Variants in KCTD16 observed in about 807,000 individuals in gnomAD.
The protein encoded by KCTD16 is BTB/POZ domain-containing protein KCTD16.
A neutral mutation model predicts 33.2 loss-of-function variants in KCTD16; 13 were observed. The observed-to-expected ratio is 0.39, with a 90% confidence interval of 0.25 to 0.62. The LOEUF (loss-of-function observed/expected upper bound fraction) is 0.62, where lower values mean the gene tolerates loss of function less well. KCTD16 is among the 20% of genes least tolerant of loss of function. KCTD16 has a pLI of 0.50. For missense variants in KCTD16, 441 were observed against 525.1 expected (o/e 0.84, Z 1.57); for synonymous variants, 197 against 195.3 (o/e 1.01, Z -0.07).
At chr5:144,262,621 A>C (rs4912967) in intron 3 of KCTD16, among the ~76,000 whole-genome samples, 32,680 of 152,134 alleles carry the variant, frequency 0.21, 3,965 homozygotes, top group Non-Finnish European at 0.28. Context: ...AATCCTTTCC[A>C]CACCAGTTCT....
Position 144,473,956 on chromosome 5 carries a change from A to C in KCTD16, c.1129A>C (p.Asn377His), listed in dbSNP as rs1422411702. ...RTLTSGSRESNMSSKKKAVKE... is the reference protein window; with the variant it reads ...RTLTSGSRESHMSSKKKAVKE... ...TCTGACTTCAGGCTCCAGGGAATCG[A>C]ACATGAGCAGCAAAAAAAAAGCTGT... is the stretch of plus-strand genomic sequence containing the variant. Residue 377 changes from asparagine to histidine, a missense_variant, in exon 4 of 4, where the codon AAC (asparagine) becomes CAC (histidine). Physicochemically the swap from Asn to His is moderately conservative, Grantham distance 68. Coordinates refer to ENST00000512467, the MANE Select transcript of KCTD16 (RefSeq NM_020768.4). 2 of 1,613,974 alleles carry C rather than the reference A, an allele frequency of 1.2e-6. No individual in the cohort carries two copies. Among genetic ancestry groups the C allele is most frequent in the African/African-American group, 2.7e-5 (2 of 74,908 alleles).
intron 3 of KCTD16, among the ~76,000 whole-genome samples, chr5:144,472,488 G>A (rs1275441267): frequency 2.0e-5 from 3 of 152,180 alleles, no homozygotes; most frequent in African/African-American, 7.2e-5. Flanking sequence ...AGAGGAAAGG[G>A]AGAAGAGGAA....
chr5:144,345,570 T>C (rs1752774831), intron 3 of KCTD16, among the ~76,000 whole-genome samples: 1 of 152,158 alleles, frequency 6.6e-6, no homozygotes, highest in East Asian at 1.9e-4. Context: ...ACTCAGAAGA[T>C]ATTTACCGAG....
chr5:144,434,575 C>T (rs1753535103), intron 3 of KCTD16, among the ~76,000 whole-genome samples: 1 of 152,034 alleles, frequency 6.6e-6, no homozygotes, highest in South Asian at 2.1e-4. Flanking sequence ...CATCAGTTTT[C>T]AGGTAATGTT....
At chr5:144,310,908 GCGGGAAAATA>G (rs1751747186) in intron 3 of KCTD16, among the ~76,000 whole-genome samples, 1 of 152,168 alleles carries the variant, frequency 6.6e-6, no homozygotes, top group Non-Finnish European at 1.5e-5. Context: ...GCTCTGAGGA[GCGGGAAAATA>G]CATTATCCGC....
intron 3 of KCTD16, among the ~76,000 whole-genome samples, chr5:144,215,030 A>T (rs1355033689): frequency 6.6e-6 from 1 of 152,204 alleles, no homozygotes; most frequent in African/African-American, 2.4e-5. Context: ...TTGTCTCTTA[A>T]TAGAAGAACT....
chr5:144,291,327 A>G (rs527643535), intron 3 of KCTD16, among the ~76,000 whole-genome samples: 62 of 152,138 alleles, frequency 4.1e-4, no homozygotes, highest in Non-Finnish European at 7.4e-4. Context: ...ACTGGTATAC[A>G]CTTTGACTTT....
intron 3 of KCTD16, among the ~76,000 whole-genome samples, chr5:144,363,502 C>A (rs973775147): frequency 6.6e-6 from 1 of 152,026 alleles, no homozygotes; most frequent in Non-Finnish European, 1.5e-5. Context: ...AGCTCTCTAA[C>A]CAGGCATAGA....
At chr5:144,468,201 C>T (rs1329811842) in intron 3 of KCTD16, among the ~76,000 whole-genome samples, 1 of 152,208 alleles carries the variant, frequency 6.6e-6, no homozygotes, top group Non-Finnish European at 1.5e-5. Flanking sequence ...GTTCTAATAA[C>T]TGCATTTTCT....
intron 3 of KCTD16, among the ~76,000 whole-genome samples, chr5:144,400,954 T>C (rs1055808389): frequency 1.3e-5 from 2 of 152,080 alleles, no homozygotes; most frequent in African/African-American, 4.8e-5. Context: ...AAGCTTTACA[T>C]ATTGGGGAAT....
intron 3 of KCTD16, among the ~76,000 whole-genome samples, chr5:144,282,821 A>G (rs929842079): frequency 2.6e-5 from 4 of 152,176 alleles, no homozygotes; most frequent in African/African-American, 9.7e-5. Context: ...TTCAAATCAC[A>G]GGGGCTCCTT....
chr5:144,475,522 C>G lies in KCTD16; in HGVS notation c.*1408C>G, dbSNP rs1438515604. On this transcript the variant is annotated 3_prime_UTR_variant, in exon 4 of 4. Transcript: ENST00000512467. ...TGTAACTCTGTATTTTACTAAGGTACCAATAGCTCTTTCATAGACTTGTGC... is the reference window on the plus strand; with the variant it reads ...TGTAACTCTGTATTTTACTAAGGTAGCAATAGCTCTTTCATAGACTTGTGC... The G allele has an allele frequency of 6.6e-6, 1 of 152,626 alleles. No homozygotes were observed. Among genetic ancestry groups the G allele is most frequent in the African/African-American group, 2.4e-5 (1 of 41,448 alleles). 9.5% of individuals were successfully genotyped at this position (152,626 alleles called of 1,614,324 possible). A position where few individuals can be genotyped will look rare whatever the true frequency, so the allele number is the denominator to read the frequency against.
chr5:144,394,687 C>T (rs1185754848), intron 3 of KCTD16, among the ~76,000 whole-genome samples: 2 of 152,124 alleles, frequency 1.3e-5, no homozygotes, highest in African/African-American at 4.8e-5. Context: ...TGAGTCCTCA[C>T]GAGATCTGAT....
intron 3 of KCTD16, among the ~76,000 whole-genome samples, chr5:144,284,559 T>C (rs1755692262): frequency 6.6e-6 from 1 of 152,210 alleles, no homozygotes; most frequent in Non-Finnish European, 1.5e-5. Flanking sequence ...CACTGACATG[T>C]ATAGTAAATG....
chr5:144,467,748 G>A (rs553915846), intron 3 of KCTD16, among the ~76,000 whole-genome samples: 2 of 152,202 alleles, frequency 1.3e-5, no homozygotes, highest in African/African-American at 2.4e-5. Context: ...TTGTGCAGTA[G>A]AGCACACATT....
At chr5:144,171,648 G>A (rs1752386525) in intron 1 of KCTD16, among the ~76,000 whole-genome samples, 1 of 152,094 alleles carries the variant, frequency 6.6e-6, no homozygotes, top group Non-Finnish European at 1.5e-5. Flanking sequence ...AATGTCCTTG[G>A]GGGCGGTGGG....
chr5:144,359,138 C>T (rs1220375109), intron 3 of KCTD16, among the ~76,000 whole-genome samples: 2 of 152,198 alleles, frequency 1.3e-5, no homozygotes, highest in African/African-American at 4.8e-5. Context: ...TACATACTTA[C>T]TGCATCGGAA....
chr5:144,293,663 A>G (rs1009969888), intron 3 of KCTD16, among the ~76,000 whole-genome samples: 13 of 152,326 alleles, frequency 8.5e-5, no homozygotes, highest in African/African-American at 2.9e-4. Context: ...TGGAATTCCA[A>G]TTCCCCTAGG....
At position 144,207,395 on chromosome 5, in the gene KCTD16, T is replaced by C. The variant is rs1395521630; in HGVS notation, c.681T>C (p.Tyr227=). The C allele has an allele frequency of 6.2e-7, 1 of 1,614,224 alleles. No individual in the cohort carries two copies. The highest frequency in any genetic ancestry group is 1.1e-5 in the South Asian group (1 of 91,088). Residue 227 remains tyrosine (Y), a synonymous_variant, in exon 3 of 4, where the codon TAT becomes TAC. Transcript: ENST00000512467. ...RAPERYTSRF[Y]LKFKHLERAF... is the part of the protein sequence containing the mutation. ...CAGAAAGATACACCTCCAGATTTTA[T>C]CTCAAATTCAAGCACCTGGAAAGGG...
Sources: allele counts gnomAD v4.1 joint callset (sites outside exome capture counted in the v4.1 genomes callset), GRCh38; gene constraint gnomAD v4.1.1; transcripts MANE v1.5; gene names NCBI Gene and HGNC (gene_info 2026-07-23, HGNC 2026-07-21).